GUCY1A2: variants seen among roughly 807,000 people sequenced by gnomAD.
GUCY1A2 encodes the protein guanylate cyclase soluble subunit alpha-2.
Under a neutral mutation model 63.5 loss-of-function variants are expected in GUCY1A2, and 27 were observed. The ratio of observed to expected loss-of-function variants is 0.43; its 90% CI spans 0.31 to 0.59. The LOEUF is 0.59. GUCY1A2 is among the 20% of genes least tolerant of loss of function. The pLI, the probability that GUCY1A2 is intolerant of heterozygous loss-of-function variation, is 0.11. For missense variants in GUCY1A2, 768 were observed against 913.3 expected (o/e 0.84, Z 2.05); for synonymous variants, 364 against 343.5 (o/e 1.06, Z -0.66).
chr11:106,935,645 G>C (rs1160496508), intron 4 of GUCY1A2, among the ~76,000 whole-genome samples: 1 of 152,026 alleles, frequency 6.6e-6, no homozygotes, highest in Non-Finnish European at 1.5e-5. Flanking sequence ...TTTGAGACGA[G>C]ACCAGTCTGG....
intron 6 of GUCY1A2, among the ~76,000 whole-genome samples, chr11:106,754,447 A>T (rs1178602007): frequency 1.3e-5 from 2 of 152,152 alleles, no homozygotes; most frequent in Non-Finnish European, 2.9e-5. Flanking sequence ...TTTCAAAGGG[A>T]ATGCTTCCAG....
At chr11:106,959,336 C>G (rs11211987) in intron 3 of GUCY1A2, among the ~76,000 whole-genome samples, 12,046 of 152,198 alleles carry the variant, frequency 0.079, 692 homozygotes, top group Non-Finnish European at 0.12. Context: ...GGATTATGCT[C>G]TCATGGCTTC....
At chr11:106,825,647 G>C (rs1405339425) in intron 4 of GUCY1A2, among the ~76,000 whole-genome samples, 2 of 151,410 alleles carry the variant, frequency 1.3e-5, no homozygotes, top group Non-Finnish European at 2.9e-5. Flanking sequence ...GATACTTTAA[G>C]TTAAATATGT....
chr11:106,792,996 C>A (rs1864690576), intron 5 of GUCY1A2, among the ~76,000 whole-genome samples: 1 of 152,026 alleles, frequency 6.6e-6, no homozygotes, highest in African/African-American at 2.4e-5. Context: ...TATTCCAATG[C>A]AATCCCTATC....
intron 5 of GUCY1A2, among the ~76,000 whole-genome samples, chr11:106,784,780 A>T (rs1172975410): frequency 6.6e-6 from 1 of 152,166 alleles, no homozygotes; most frequent in Non-Finnish European, 1.5e-5. Flanking sequence ...TCTAGCAATA[A>T]TTTTTGTATA....
rs553373847 is a variant in GUCY1A2, at chr11:106,711,137, A to G, written c.1837-2471T>C. Among the ~76,000 whole-genome samples, 46 of 152,286 alleles carry G rather than the reference A, an allele frequency of 3.0e-4. 2 individuals carry two copies. The South Asian group carries it at 8.1e-3, about 27-fold the overall frequency. ...ACAGTATTTGCCCTACCATAAACAT[A>G]TCTAATTAGTGCATGGATAGCATCA... On this transcript the variant is annotated intron_variant, in intron 6 of 7. Coordinates refer to ENST00000526355, the MANE Select transcript of GUCY1A2 (RefSeq NM_000855.3).
rs533751897 is a variant in GUCY1A2 at position 106,779,883 on chromosome 11, T to C, written c.1693-3301A>G. Among the ~76,000 whole-genome samples the C allele has an allele frequency of 8.5e-5, 13 of 152,304 alleles. 2 individuals are homozygous for C. The highest frequency in any genetic ancestry group is 2.9e-4 in the African/African-American group (12 of 41,572). ...AATTCATATTACAATCCGTACATGA[T>C]TGTATAAAACTTTAAGACTAGGCGT... On this transcript the variant is annotated intron_variant, in intron 5 of 7. Transcript: ENST00000526355.
At chr11:106,949,036 A>T (rs1307911416) in intron 3 of GUCY1A2, among the ~76,000 whole-genome samples, 9 of 152,208 alleles carry the variant, frequency 5.9e-5, no homozygotes, top group Non-Finnish European at 1.3e-4. Flanking sequence ...AGCTAAGCTA[A>T]AACTGTCAAA....
intron 7 of GUCY1A2, among the ~76,000 whole-genome samples, chr11:106,698,822 G>A (rs1862767958): frequency 6.6e-6 from 1 of 152,020 alleles, no homozygotes; most frequent in African/African-American, 2.4e-5. Context: ...CTAATTAGTG[G>A]CAGAACAGGA....
intron 6 of GUCY1A2, among the ~76,000 whole-genome samples, chr11:106,769,004 C>T (rs1864209694): frequency 6.6e-6 from 1 of 152,118 alleles, no homozygotes. Flanking sequence ...CAAAACCCAG[C>T]TTTAAATCCC....
At chr11:106,824,080 C>T (rs1324796238) in intron 4 of GUCY1A2, 2 of 1,492,882 alleles carry the variant, frequency 1.3e-6, no homozygotes, top group Non-Finnish European at 1.8e-6. Context: ...ACAGCTTATG[C>T]TACCATTTCT....
intron 6 of GUCY1A2, among the ~76,000 whole-genome samples, chr11:106,768,216 G>A (rs1864196397): frequency 6.6e-6 from 1 of 152,086 alleles, no homozygotes. Context: ...TCTAACTCCT[G>A]GATTAAAGCC....
At chr11:106,953,652 GC>G in intron 3 of GUCY1A2, among the ~76,000 whole-genome samples, 1 of 151,526 alleles carries the variant, frequency 6.6e-6, no homozygotes, top group Admixed American at 6.6e-5. Context: ...TCTGGTCCTT[GC>G]TTTTTTTTTT....
intron 1 of GUCY1A2, among the ~76,000 whole-genome samples, chr11:106,998,919 C>T (rs1293653235): frequency 2.0e-5 from 3 of 152,080 alleles, no homozygotes; most frequent in Non-Finnish European, 4.4e-5. Context: ...AGACCAAGAA[C>T]GTTAAATAAT....
chr11:106,997,617 A>AACC (rs1861556400), intron 1 of GUCY1A2, among the ~76,000 whole-genome samples: 7 of 119,760 alleles, frequency 5.8e-5, no homozygotes, highest in Admixed American at 9.0e-5. Flanking sequence ...AAGATAGGGA[A>AACC]CCCCCCCCCC....
At chr11:106,790,039 T>C (rs1349234727) in intron 5 of GUCY1A2, among the ~76,000 whole-genome samples, 2 of 152,172 alleles carry the variant, frequency 1.3e-5, no homozygotes, top group Non-Finnish European at 2.9e-5. Flanking sequence ...GCCCTTGGGC[T>C]CTAAAAGCAG....
At chr11:106,989,492 C>T (rs1861443915) in intron 1 of GUCY1A2, among the ~76,000 whole-genome samples, 1 of 152,028 alleles carries the variant, frequency 6.6e-6, no homozygotes, top group Admixed American at 6.6e-5. Context: ...AGAGCAACAT[C>T]TCTGACACAC....
chr11:107,002,137 C>G (rs965770641), intron 1 of GUCY1A2, among the ~76,000 whole-genome samples: 4 of 151,942 alleles, frequency 2.6e-5, no homozygotes, highest in Non-Finnish European at 4.4e-5. Context: ...AAAATTCACC[C>G]AGAAAAGGAA....
At chr11:106,951,895 T>C (rs1860914254) in intron 3 of GUCY1A2, among the ~76,000 whole-genome samples, 2 of 152,230 alleles carry the variant, frequency 1.3e-5, no homozygotes, top group South Asian at 4.1e-4. Flanking sequence ...CTTCAATCCA[T>C]CTTGAGTTAA....
Sources: gnomAD v4.1 joint callset for allele counts (sites outside exome capture counted in the v4.1 genomes callset) on GRCh38, gnomAD v4.1.1 for gene constraint, MANE v1.5 for transcripts, NCBI Gene and HGNC (gene_info 2026-07-23, HGNC 2026-07-21) for gene names.